Variants in MFSD11 observed in about 807,000 individuals in gnomAD.
MFSD11 encodes the protein major facilitator superfamily domain containing 11, also known as UNC93-like protein MFSD11.
In MFSD11, 36 loss-of-function variants were observed where a neutral mutation model predicts 53.5. The observed-to-expected ratio is 0.67, with a 90% CI of 0.52 to 0.89. The LOEUF is 0.89. MFSD11 is among the 40% of genes least tolerant of loss of function. MFSD11 has a pLI of 0.00. For synonymous variants in MFSD11, 186 were observed against 184.9 expected (o/e 1.01, Z -0.05); for missense variants, 530 against 543.9 (o/e 0.97, Z 0.25).
At chr17:76,739,298 G>T (rs886659534) in intron 2 of MFSD11, among the ~76,000 whole-genome samples, 2 of 152,138 alleles carry the variant, frequency 1.3e-5, no homozygotes, top group East Asian at 3.9e-4. Context: ...ACAGTGCATG[G>T]CATTGAATAA....
intron 7 of MFSD11, among the ~76,000 whole-genome samples, chr17:76,745,753 A>G (rs993322291): frequency 2.6e-5 from 4 of 152,130 alleles, no homozygotes; most frequent in African/African-American, 4.8e-5. Context: ...ATGACCCTAC[A>G]ATAGCCTCTA....
downstream of MFSD11, among the ~76,000 whole-genome samples, chr17:76,785,835 C>G (rs1043282082): frequency 2.6e-5 from 4 of 151,910 alleles, no homozygotes; most frequent in Non-Finnish European, 4.4e-5. Context: ...AATCCCAGCG[C>G]TTTGGGAGGC....
rs1175166681 is a variant in MFSD11 at position 76,776,005 on chromosome 17, TCTCA to T, written c.1050-397_1050-394del. The stretch of plus-strand genomic sequence containing the variant: ...TTTATTTATTTATTTTGAGACAGAG[TCTCA>T]CTCTGTCTGCCAGCCTAGAATGCAA... On this transcript the variant is annotated intron_variant, in intron 11 of 12. Transcript: ENST00000685175. This position sits in a 1 kb window ranked among gnomAD's most constrained non-coding sequence, Gnocchi z 4.2. 3.3e-5 allele frequency among the ~76,000 whole-genome samples: 5 copies of T among 152,154 alleles called. No individual in the cohort carries two copies. Among genetic ancestry groups the T allele is most frequent in the African/African-American group, 9.7e-5 (4 of 41,418 alleles).
chr17:76,787,133 CTTTTT>C, the MFSD11 span, among the ~76,000 whole-genome samples: 1 of 114,946 alleles, frequency 8.7e-6, no homozygotes. Context: ...TGAGTGATTT[CTTTTT>C]TTTTTTTTTT....
chr17:76,787,694 AC>A, the MFSD11 span, among the ~76,000 whole-genome samples: 3 of 148,256 alleles, frequency 2.0e-5, 1 homozygote, highest in Non-Finnish European at 4.5e-5. Flanking sequence ...TAAAACCCTA[AC>A]CCCCCAACCC....
chr17:76,752,196 T>C (rs1292175416), intron 7 of MFSD11, among the ~76,000 whole-genome samples: 1 of 152,182 alleles, frequency 6.6e-6, no homozygotes, highest in Non-Finnish European at 1.5e-5. Flanking sequence ...TTGCTCTGTG[T>C]ATCACCTTAT....
At chr17:76,758,548 A>T (rs1024531758) in intron 8 of MFSD11, among the ~76,000 whole-genome samples, 3 of 143,562 alleles carry the variant, frequency 2.1e-5, no homozygotes. Context: ...GCGCCACTGC[A>T]CTCCAGCATG....
At chr17:76,742,131 C>G (rs534606826) in intron 4 of MFSD11, 46 bp from the exon 5 acceptor site, 3 of 1,613,344 alleles carry the variant, frequency 1.9e-6, no homozygotes, top group East Asian at 2.2e-5. Context: ...GTATGTGACT[C>G]TAAGTGAATT....
intron 8 of MFSD11, among the ~76,000 whole-genome samples, chr17:76,758,064 A>G (rs1350928883): frequency 2.0e-5 from 3 of 152,166 alleles, no homozygotes; most frequent in Non-Finnish European, 4.4e-5. Context: ...CCTAGTAAAC[A>G]CTAAAACCTA....
chr17:76,767,279 G>C, intron 8 of MFSD11, 107 bp from the exon 9 acceptor site: 1 of 658,530 alleles, frequency 1.5e-6, no homozygotes, highest in East Asian at 2.7e-5. Context: ...CAAAGTGTTC[G>C]TTTACTGGCA....
chr17:76,748,648 T>C (rs778557512), intron 7 of MFSD11, among the ~76,000 whole-genome samples: 13 of 151,920 alleles, frequency 8.6e-5, no homozygotes, highest in Non-Finnish European at 1.6e-4. Context: ...GTCACGCCGC[T>C]GCACTCCAGC....
At chr17:76,799,766 C>A in the MFSD11 span, among the ~76,000 whole-genome samples, 2 of 151,990 alleles carry the variant, frequency 1.3e-5, no homozygotes, top group African/African-American at 4.8e-5. Flanking sequence ...CCACCCCCAA[C>A]CTTGCCCAAA....
chr17:76,777,532 C>T (rs2081960447), intron 12 of MFSD11, among the ~76,000 whole-genome samples: 1 of 152,118 alleles, frequency 6.6e-6, no homozygotes, highest in South Asian at 2.1e-4. Context: ...ACCGCCCCGG[C>T]TATATTGTGT....
At chr17:76,753,225 C>T (rs1374310790) in intron 7 of MFSD11, among the ~76,000 whole-genome samples, 1 of 152,130 alleles carries the variant, frequency 6.6e-6, no homozygotes, top group African/African-American at 2.4e-5. Flanking sequence ...TGAAAGCTAA[C>T]TTCAAGAAAG....
intron 7 of MFSD11, among the ~76,000 whole-genome samples, chr17:76,747,339 C>CT (rs879433672): frequency 2.0e-3 from 288 of 141,182 alleles, no homozygotes; most frequent in African/African-American, 5.3e-3. Flanking sequence ...CATGGTGAAA[C>CT]TTTTTTTTTT....
intron 3 of MFSD11, 57 bp from the exon 4 acceptor site, chr17:76,741,912 T>G: frequency 1.9e-6 from 3 of 1,612,728 alleles, no homozygotes; most frequent in African/African-American, 1.3e-5. Flanking sequence ...GAAGGCATAA[T>G]TGGCATTCTA....
intron 2 of MFSD11, among the ~76,000 whole-genome samples, chr17:76,740,703 A>ATGACTTACC (rs2077988416): frequency 6.6e-6 from 1 of 152,234 alleles, no homozygotes; most frequent in Non-Finnish European, 1.5e-5. Flanking sequence ...TCCTGTTACT[A>ATGACTTACC]TGACTTACCA....
Position 76,776,508 on chromosome 17 carries a change from C to A in MFSD11, c.1152C>A (p.Ser384Arg). Residue 384 changes from serine (S) to arginine (R), a missense_variant, in exon 12 of 13, where the codon AGC (serine) becomes AGA (arginine). Coordinates refer to ENST00000685175, the MANE Select transcript of MFSD11 (RefSeq NM_001242532.5). This position sits in a 1 kb window ranked among gnomAD's most constrained non-coding sequence, Gnocchi z 4.2. ...TGGGCTTTCTGTATTCTGAAGACAGCGCCCCAGCATTTGCCATCTTCAAGT... is the reference window on the plus strand; with the variant it reads ...TGGGCTTTCTGTATTCTGAAGACAGAGCCCCAGCATTTGCCATCTTCAAGT... ...SILGFLYSEDSAPAFAIFKFV... is the reference protein window; with the variant it reads ...SILGFLYSEDRAPAFAIFKFV... The A allele has an allele frequency of 6.2e-7, 1 of 1,613,964 alleles. No homozygotes were observed. The highest frequency in any genetic ancestry group is 8.5e-7 in the Non-Finnish European group (1 of 1,179,968).
chr17:76,767,387 A>G lies in MFSD11; in HGVS notation c.684A>G (p.Lys228=), dbSNP rs1462752144. Residue 228 remains lysine (K), a splice_region_variant and synonymous_variant, in exon 9 of 13, where the codon AAA becomes AAG. Transcript: ENST00000685175. ...NNLTKAVDAF[K]KSFKLCVTKE... is the part of the protein sequence containing the mutation. ...ACTCTTAAATTTTTGTGTTTACAGA[A>G]AAGTCTTTTAAGTTATGTGTCACCA... 2.5e-6 allele frequency: 4 copies of G among 1,587,360 alleles called. No individual in the cohort carries two copies. Among genetic ancestry groups the G allele is most frequent in the Non-Finnish European group, 2.6e-6 (3 of 1,159,138 alleles).
Sources: gnomAD v4.1 joint callset for allele counts (sites outside exome capture counted in the v4.1 genomes callset) on GRCh38, gnomAD v4.1.1 for gene constraint, Gnocchi (gnomAD v3.1) non-coding constraint, MANE v1.5 for transcripts, NCBI Gene and HGNC (gene_info 2026-07-23, HGNC 2026-07-21) for gene names.